The following TRAIP variants were observed in gnomAD, a reference collection of about 807,000 sequenced individuals.
TRAIP encodes the protein TRAF interacting protein, also known as E3 ubiquitin-protein ligase TRAIP.
Under a neutral mutation model 65.0 loss-of-function variants are expected in TRAIP, and 37 were observed. The observed-to-expected ratio is 0.57, with a 90% CI of 0.44 to 0.75. The LOEUF is 0.75. TRAIP is among the 30% of genes least tolerant of loss of function. TRAIP has a pLI of 0.00. For synonymous variants in TRAIP, 187 were observed against 219.1 expected, an observed-to-expected ratio of 0.85 and a Z score of 1.29; for missense variants, 481 against 579.4, an observed-to-expected ratio of 0.83 and a Z score of 1.74.
chr3:49,842,383 G>A, intron 6 of TRAIP, 70 bp downstream of exon 6: 11 of 1,485,522 alleles, frequency 7.4e-6, no homozygotes, highest in Non-Finnish European at 1.0e-5. Context: ...CCCTGCTGCA[G>A]TCCTAAGAAC....
In TRAIP at chr3:49,852,401, T is replaced by C. The variant is rs1277669769; in HGVS notation, c.98+3955A>G. The stretch of plus-strand genomic sequence containing the variant: ...TAATAACACAGGATAAAAAAGTTAA[T>C]GGAATAGAGGCAATATATGAAGAGA... On this transcript the variant is annotated intron_variant, in intron 1 of 14. Coordinates refer to ENST00000331456, the MANE Select transcript of TRAIP (RefSeq NM_005879.3). Among the ~76,000 whole-genome samples the C allele has an allele frequency of 2.0e-5, 3 of 149,084 alleles. No homozygotes were observed. In the East Asian group the frequency reaches 6.1e-4, roughly 30 times the overall value.
chr3:49,856,360 G>C lies in TRAIP; in HGVS notation c.94C>G (p.Gln32Glu), dbSNP rs779974284. Residue 32 changes from glutamine to glutamate, a missense_variant, in exon 1 of 15, where the codon CAG (glutamine) becomes GAG (glutamate). Transcript: ENST00000331456. ...CCCAACACTGCAGTCACTCACCACTGCAAGTGGAAGGTGTGGCCGCAGTGG... is the reference window on the plus strand; with the variant it reads ...CCCAACACTGCAGTCACTCACCACTCCAAGTGGAAGGTGTGGCCGCAGTGG... ...AIHCGHTFHLQCLIQWFETAP... is the reference protein window; with the variant it reads ...AIHCGHTFHLECLIQWFETAP... 1.2e-6 allele frequency: 2 copies of C among 1,613,396 alleles called. No homozygotes were observed. Among genetic ancestry groups the C allele is most frequent in the Non-Finnish European group, 1.7e-6 (2 of 1,179,502 alleles).
rs182183589 is a variant in TRAIP at position 49,851,071 on chromosome 3, C to G, written c.99-2871G>C. Among the ~76,000 whole-genome samples, 120 of 152,198 alleles carry G rather than the reference C, an allele frequency of 7.9e-4. 1 individual carries two copies. In the Middle Eastern group the frequency reaches 0.01, roughly 13 times the overall value. On this transcript the variant is annotated intron_variant, in intron 1 of 14. Coordinates refer to ENST00000331456, the MANE Select transcript of TRAIP (RefSeq NM_005879.3). Reference sequence around the variant, plus strand: ...CATGGCTCACAGCTGACTCTACCTCCCAGGCTCAGGTGATGATCACCTCAG... The same window carrying G: ...CATGGCTCACAGCTGACTCTACCTCGCAGGCTCAGGTGATGATCACCTCAG...
intron 7 of TRAIP, 129 bp from the exon 8 acceptor site, chr3:49,841,201 G>T: frequency 2.6e-6 from 2 of 760,612 alleles, no homozygotes; most frequent in Non-Finnish European, 4.5e-6. Flanking sequence ...TGACACCTGA[G>T]CCCAACAAGT....
chr3:49,851,979 G>T (rs1575400574), intron 1 of TRAIP, among the ~76,000 whole-genome samples: 1 of 150,998 alleles, frequency 6.6e-6, no homozygotes, highest in Non-Finnish European at 1.5e-5. Flanking sequence ...TTACAGTTGT[G>T]AGCCACCGCG....
chr3:49,828,967 A>T lies in TRAIP; in HGVS notation c.*136T>A. On this transcript the variant is annotated 3_prime_UTR_variant, in exon 15 of 15. Transcript: ENST00000331456. ...AGAGCAGTCTCTGGGTGCCACACTC[A>T]CCCTCACCTGTTTGTCTGCCCTTAC... 1 of 1,245,796 alleles carries T rather than the reference A, an allele frequency of 8.0e-7. No homozygotes were observed. The highest frequency in any genetic ancestry group is 1.1e-6 in the Non-Finnish European group (1 of 870,896). 77.2% of individuals were successfully genotyped at this position (1,245,796 alleles called of 1,614,324 possible).
In TRAIP at chr3:49,841,081, T is replaced by C. The variant is rs1333267837; in HGVS notation, c.618-9A>G. 1 of 1,613,720 alleles carries C rather than the reference T, an allele frequency of 6.2e-7. No homozygotes were observed. Among genetic ancestry groups the C allele is most frequent in the East Asian group, 2.2e-5 (1 of 44,880 alleles). On this transcript the variant is annotated splice_polypyrimidine_tract_variant and intron_variant, in intron 7 of 14. Coordinates refer to ENST00000331456, the MANE Select transcript of TRAIP (RefSeq NM_005879.3). The stretch of plus-strand genomic sequence containing the variant: ...TTAGATTCTCGTACTCTCTGCAATG[T>C]GGCCATGGAAAGAGATGCCAGAAAA...
intron 2 of TRAIP, 152 bp from the exon 3 acceptor site, chr3:49,847,760 G>A (rs1391919125): frequency 6.4e-6 from 4 of 624,966 alleles, no homozygotes; most frequent in Non-Finnish European, 1.1e-5. Flanking sequence ...AGAGTCAAAA[G>A]ACCTCTTTAC....
chr3:49,855,406 C>G (rs1166251355), intron 1 of TRAIP, among the ~76,000 whole-genome samples: 1 of 151,956 alleles, frequency 6.6e-6, no homozygotes, highest in Admixed American at 6.6e-5. Flanking sequence ...CGAGATCACG[C>G]CACTGCACTC....
Position 49,843,865 on chromosome 3 carries a change from T to G in TRAIP, c.344A>C (p.Asn115Thr). Residue 115 changes from asparagine (N) to threonine (T), a missense_variant, in exon 5 of 15, where the codon AAT becomes ACT. Asn to Thr is a moderately conservative substitution (Grantham distance 65). Transcript: ENST00000331456. ...DTLRDTLEER[N>T]ATVVSLQQAL... is the part of the protein sequence containing the mutation. The stretch of plus-strand genomic sequence containing the variant: ...CTGCTGCAGAGATACCACAGTAGCA[T>G]TGCGTTCTTCCAGCGTATCCCGCAG... The G allele has an allele frequency of 6.2e-7, 1 of 1,613,902 alleles. No individual in the cohort carries two copies. The highest frequency in any genetic ancestry group is 1.7e-5 in the Admixed American group (1 of 60,022).
Position 49,839,286 on chromosome 3 carries a change from G to A in TRAIP, c.884+486C>T, listed in dbSNP as rs994449039. On this transcript the variant is annotated intron_variant, in intron 10 of 14. Coordinates refer to ENST00000331456, the MANE Select transcript of TRAIP (RefSeq NM_005879.3). The stretch of plus-strand genomic sequence containing the variant: ...GCTGGGGACTTTTGGCAGGCAGGAG[G>A]TAGCCTTGAGGATGCTCTCAGCTAG... Among the ~76,000 whole-genome samples the A allele has an allele frequency of 2.6e-5, 4 of 152,106 alleles. No individual in the cohort carries two copies. The South Asian group carries it at 6.2e-4, about 24-fold the overall frequency.
intron 7 of TRAIP, among the ~76,000 whole-genome samples, chr3:49,841,537 A>G (rs1033074259): frequency 6.6e-6 from 1 of 152,242 alleles, no homozygotes; most frequent in African/African-American, 2.4e-5. Context: ...CCAGAGAGCT[A>G]GGTCAACTCC....
intron 10 of TRAIP, among the ~76,000 whole-genome samples, chr3:49,832,578 C>T (rs953183163): frequency 6.6e-6 from 1 of 151,812 alleles, no homozygotes; most frequent in Non-Finnish European, 1.5e-5. Flanking sequence ...ATTTGGCACC[C>T]CCCCACCACT....
chr3:49,832,618 T>G (rs557689987), intron 10 of TRAIP, among the ~76,000 whole-genome samples: 1 of 141,980 alleles, frequency 7.0e-6, no homozygotes, highest in Admixed American at 7.2e-5. Flanking sequence ...GAAGGAAATA[T>G]TCCACATGTC....
At chr3:49,855,724 A>T (rs950782135) in intron 1 of TRAIP, among the ~76,000 whole-genome samples, 1 of 152,126 alleles carries the variant, frequency 6.6e-6, no homozygotes, top group Non-Finnish European at 1.5e-5. Context: ...CACCATTCCC[A>T]GGGGTAACGC....
intron 1 of TRAIP, among the ~76,000 whole-genome samples, chr3:49,854,116 C>G (rs2081954057): frequency 2.0e-5 from 3 of 152,040 alleles, no homozygotes; most frequent in Non-Finnish European, 4.4e-5. Context: ...CACTTGAGTA[C>G]AGGAGTTTCA....
At chr3:49,848,290 T>C in intron 1 of TRAIP, 90 bp from the exon 2 acceptor site, 1 of 1,405,050 alleles carries the variant, frequency 7.1e-7, no homozygotes, top group East Asian at 2.4e-5. Context: ...AAAGGGTCTG[T>C]TCTGCTCCTC....
chr3:49,856,406 G>A lies in TRAIP; in HGVS notation c.48C>T (p.His16=). The change falls in exon 1 of 15, where the codon CAC becomes CAT. Residue 16 remains histidine (H), a synonymous_variant. Coordinates refer to ENST00000331456, the MANE Select transcript of TRAIP (RefSeq NM_005879.3). ...LCTICSDFFD[H]SRDVAAIHCG... is the part of the protein sequence containing the mutation. The stretch of plus-strand genomic sequence containing the variant: ...AGTGGATGGCGGCCACGTCGCGGGA[G>A]TGATCGAAGAAGTCGGAGCAGATAG... 1.9e-6 allele frequency: 3 copies of A among 1,614,222 alleles called. No individual in the cohort carries two copies. Among genetic ancestry groups the A allele is most frequent in the Non-Finnish European group, 2.5e-6 (3 of 1,180,038 alleles).
chr3:49,837,781 C>T (rs2081801772), intron 10 of TRAIP, among the ~76,000 whole-genome samples: 1 of 152,030 alleles, frequency 6.6e-6, no homozygotes. Context: ...GGGGTTTCAC[C>T]ATATTGGTCA....
Sources: allele counts gnomAD v4.1 joint callset (sites outside exome capture counted in the v4.1 genomes callset), GRCh38; gene constraint gnomAD v4.1.1; transcripts MANE v1.5; gene names NCBI Gene and HGNC (gene_info 2026-07-23, HGNC 2026-07-21).